Variants in NMNAT2 observed in about 807,000 individuals in gnomAD.
NMNAT2 encodes the protein nicotinamide/nicotinic acid mononucleotide adenylyltransferase 2.
Under a neutral mutation model 41.6 loss-of-function variants are expected in NMNAT2, and 11 were observed. The observed-to-expected ratio is 0.26, with a 90% CI of 0.17 to 0.44. The LOEUF (loss-of-function observed/expected upper bound fraction) is 0.44, where lower values mean the gene tolerates loss of function less well. Among genes scored for constraint, NMNAT2 ranks in the 20% least tolerant of loss-of-function variants. NMNAT2 has a pLI of 1.00. For missense variants in NMNAT2, 288 were observed against 407.7 expected, an observed-to-expected ratio of 0.71 and a Z score of 2.53; for synonymous variants, 148 against 151.2, an observed-to-expected ratio of 0.98 and a Z score of 0.16.
intron 1 of NMNAT2, among the ~76,000 whole-genome samples, chr1:183,330,542 GCCTTCA>G (rs1662560209): frequency 6.6e-6 from 1 of 152,108 alleles, no homozygotes; most frequent in African/African-American, 2.4e-5. Context: ...CCTCAACCAT[GCCTTCA>G]CTAGGTGAGA....
intron 1 of NMNAT2, among the ~76,000 whole-genome samples, chr1:183,360,045 G>A (rs1011611148): frequency 6.6e-6 from 1 of 152,078 alleles, no homozygotes; most frequent in Non-Finnish European, 1.5e-5. Flanking sequence ...TGAATTAAGT[G>A]CCTTCTCACA....
Position 183,250,526 on chromosome 1 carries a change from G to T in NMNAT2, c.*2115C>A, listed in dbSNP as rs1170329682. The T allele has an allele frequency of 6.6e-6, 1 of 152,666 alleles. No individual in the cohort carries two copies. The highest frequency in any genetic ancestry group is 1.9e-4 in the East Asian group (1 of 5,190). The allele number at this position is 152,666 out of a possible 1,614,324, so 9.5% of individuals were successfully genotyped here. A position where few individuals can be genotyped will look rare whatever the true frequency, so the allele number is the denominator to read the frequency against. On this transcript the variant is annotated 3_prime_UTR_variant, in exon 11 of 11. Transcript: ENST00000287713. ...TGGTCAGCAACATGAGGAAATGGAG[G>T]GTGTGGTGTGACGGCCTAGGGGTCA...
chr1:183,314,554 G>A (rs1662198622), intron 1 of NMNAT2, among the ~76,000 whole-genome samples: 2 of 152,240 alleles, frequency 1.3e-5, no homozygotes, highest in Non-Finnish European at 2.9e-5. Context: ...GGTTAAACTG[G>A]AAGGCATAAC....
rs1411030872 is a variant in NMNAT2 at position 183,323,841 on chromosome 1, C to T, written c.86-30048G>A. ...CAGGAAAGAATATCTTAGGATTTGG[C>T]CTCTCTCCTACGAGATTTGGCCTAA... On this transcript the variant is annotated intron_variant, in intron 1 of 10. Coordinates refer to ENST00000287713, the MANE Select transcript of NMNAT2 (RefSeq NM_015039.4). Among the ~76,000 whole-genome samples, 3 of 152,164 alleles carry T rather than the reference C, an allele frequency of 2.0e-5. No homozygotes were observed. In the East Asian group the frequency reaches 5.8e-4, roughly 29 times the overall value.
At chr1:183,384,423 C>G (rs2101917585) in intron 1 of NMNAT2, among the ~76,000 whole-genome samples, 1 of 152,338 alleles carries the variant, frequency 6.6e-6, no homozygotes, top group South Asian at 2.1e-4. Flanking sequence ...TCGTCTCAAA[C>G]TCCTGACCTC....
intron 1 of NMNAT2, among the ~76,000 whole-genome samples, chr1:183,393,910 T>C (rs1452010829): frequency 1.3e-5 from 2 of 152,290 alleles, no homozygotes; most frequent in South Asian, 2.1e-4. Context: ...AGATTCAACA[T>C]TGTTCTCTAA....
chr1:183,358,555 G>A (rs1360225665), intron 1 of NMNAT2, among the ~76,000 whole-genome samples: 1 of 152,222 alleles, frequency 6.6e-6, no homozygotes, highest in African/African-American at 2.4e-5. Context: ...AAACATTGCA[G>A]GTGTGTTCTG....
At chr1:183,411,823 A>T (rs569665034) in intron 1 of NMNAT2, among the ~76,000 whole-genome samples, 1 of 152,186 alleles carries the variant, frequency 6.6e-6, no homozygotes, top group African/African-American at 2.4e-5. Flanking sequence ...AATAACAGGG[A>T]CTGGGAGTGT....
At chr1:183,295,434 C>T (rs1056716711) in intron 1 of NMNAT2, among the ~76,000 whole-genome samples, 3 of 152,210 alleles carry the variant, frequency 2.0e-5, no homozygotes, top group African/African-American at 4.8e-5. Flanking sequence ...ACCCCTCCCA[C>T]CTTTTTACCT....
intron 1 of NMNAT2, among the ~76,000 whole-genome samples, chr1:183,346,788 T>C (rs1300718169): frequency 6.6e-6 from 1 of 152,232 alleles, no homozygotes; most frequent in Non-Finnish European, 1.5e-5. Flanking sequence ...TGCCTGATTC[T>C]AGAATCACAA....
chr1:183,417,251 C>A (rs1649280530), intron 1 of NMNAT2, among the ~76,000 whole-genome samples: 1 of 152,166 alleles, frequency 6.6e-6, no homozygotes, highest in African/African-American at 2.4e-5. Context: ...GGACCCCGAA[C>A]CAGCCAGCCG....
At chr1:183,393,476 T>C (rs997285167) in intron 1 of NMNAT2, among the ~76,000 whole-genome samples, 2 of 146,400 alleles carry the variant, frequency 1.4e-5, no homozygotes, top group African/African-American at 5.0e-5. Flanking sequence ...CAGTTGGCTT[T>C]AAAAAAAAAA....
chr1:183,399,973 A>G (rs1455839962), intron 1 of NMNAT2, among the ~76,000 whole-genome samples: 18 of 152,186 alleles, frequency 1.2e-4, no homozygotes, highest in Admixed American at 1.2e-3. Flanking sequence ...ATGGACAAAA[A>G]CTGGAAGCAT....
intron 1 of NMNAT2, among the ~76,000 whole-genome samples, chr1:183,366,052 A>G (rs1360059389): frequency 1.3e-5 from 2 of 152,184 alleles, no homozygotes; most frequent in Non-Finnish European, 2.9e-5. Flanking sequence ...GTATACCACT[A>G]CACCCTGGGG....
At chr1:183,364,066 T>C (rs1386440250) in intron 1 of NMNAT2, among the ~76,000 whole-genome samples, 1 of 152,206 alleles carries the variant, frequency 6.6e-6, no homozygotes, top group Non-Finnish European at 1.5e-5. Flanking sequence ...TTCCTCTAAG[T>C]AGTCTATTCT....
At chr1:183,391,951 C>T (rs1168825031) in intron 1 of NMNAT2, among the ~76,000 whole-genome samples, 1 of 152,222 alleles carries the variant, frequency 6.6e-6, no homozygotes, top group East Asian at 1.9e-4. Context: ...AATCCCCAAA[C>T]ATGGCAGTGC....
intron 1 of NMNAT2, among the ~76,000 whole-genome samples, chr1:183,347,185 C>T (rs1490108825): frequency 2.0e-5 from 3 of 152,230 alleles, no homozygotes; most frequent in Middle Eastern, 3.4e-3. Context: ...CTGGGCACTG[C>T]GGTTCACGCC....
intron 1 of NMNAT2, among the ~76,000 whole-genome samples, chr1:183,342,857 C>T (rs1662848154): frequency 6.6e-6 from 1 of 151,900 alleles, no homozygotes; most frequent in Non-Finnish European, 1.5e-5. Context: ...CCTCAGCCTC[C>T]CAAGTAGCTG....
Position 183,284,725 on chromosome 1 carries a change from G to A in NMNAT2, c.514C>T (p.Arg172Cys). 4 of 1,614,006 alleles carry A rather than the reference G, an allele frequency of 2.5e-6. No homozygotes were observed. The highest frequency in any genetic ancestry group is 2.2e-5 in the East Asian group (1 of 44,880). ...RICCVRPPVE[R>C]FTFVDENANL... ...GGTTCCTCACCTACAAAGGTGAAAC[G>A]CTCCACCGGCGGGCGGACACAGCAG... The change falls in exon 6 of 11, where the codon CGT becomes TGT. Residue 172 changes from arginine (R) to cysteine (C), a missense_variant. This residue lies in a region of NMNAT2 where 181 missense variants were observed against 213.7 expected (regional missense o/e 0.85). Transcript: ENST00000287713.
Sources: gnomAD v4.1 joint callset for allele counts (sites outside exome capture counted in the v4.1 genomes callset) on GRCh38, gnomAD v4.1.1 for gene constraint, gnomAD v4.1.1 regional missense constraint, MANE v1.5 for transcripts, NCBI Gene and HGNC (gene_info 2026-07-23, HGNC 2026-07-21) for gene names.